Variants in UGT3A2 observed in about 807,000 individuals in gnomAD.
UGT3A2 encodes UDP-glycosyltransferase 3A2.
UGT3A2 carries 32 observed loss-of-function variants against 39.8 expected under a neutral mutation model. That is an observed-to-expected ratio of 0.80 (90% confidence interval 0.61 to 1.08). The LOEUF (loss-of-function observed/expected upper bound fraction) is 1.08. UGT3A2 is among the 50% of genes least tolerant of loss of function. The probability of loss-of-function intolerance (pLI) is 0.00; values close to 1 mark genes in which losing one functional copy is unlikely to be tolerated. For missense variants in UGT3A2, 611 were observed against 637.1 expected, an observed-to-expected ratio of 0.96 and a Z score of 0.44; for synonymous variants, 241 against 230.7, an observed-to-expected ratio of 1.04 and a Z score of -0.40.
At chr5:36,063,760 C>T (rs1465485916) in intron 2 of UGT3A2, among the ~76,000 whole-genome samples, 1 of 152,114 alleles carries the variant, frequency 6.6e-6, no homozygotes, top group African/African-American at 2.4e-5. Context: ...CTCAGCCTCC[C>T]AAGTAGCTGA....
chr5:36,045,461 C>T (rs147658150), intron 4 of UGT3A2, among the ~76,000 whole-genome samples: 10,114 of 151,678 alleles, frequency 0.067, 1,206 homozygotes, highest in African/African-American at 0.23. Flanking sequence ...AAAAATTAGG[C>T]GGGTGCCTGT....
rs557081640 is a variant in UGT3A2, at chr5:36,041,257, G to A, written c.844-1549C>T. The stretch of plus-strand genomic sequence containing the variant: ...AGATCCCTACAATTCCCAATTCCAG[G>A]ACCCAGTTCCTGGACAGAATTCCTA... On this transcript the variant is annotated intron_variant, in intron 4 of 6. Coordinates refer to ENST00000282507, the MANE Select transcript of UGT3A2 (RefSeq NM_174914.4). Among the ~76,000 whole-genome samples the A allele has an allele frequency of 4.3e-4, 65 of 152,216 alleles. 1 individual carries two copies. The South Asian group carries it at 0.013, about 31-fold the overall frequency.
At chr5:36,053,056 A>G (rs1230532415) in intron 2 of UGT3A2, among the ~76,000 whole-genome samples, 1 of 152,182 alleles carries the variant, frequency 6.6e-6, no homozygotes, top group Non-Finnish European at 1.5e-5. Context: ...GTATACTTCA[A>G]CAGCCCTACT....
At position 36,049,404 on chromosome 5, in the gene UGT3A2, A is replaced by C. The variant is rs759420610; in HGVS notation, c.328T>G (p.Leu110Val). 3 of 1,558,966 alleles carry C rather than the reference A, an allele frequency of 1.9e-6. No homozygotes were observed. Among genetic ancestry groups the C allele is most frequent in the East Asian group, 4.5e-5 (2 of 44,374 alleles). The change falls in exon 4 of 7, where the codon TTA becomes GTA. Residue 110 changes from leucine (L) to valine (V), a missense_variant. Leu to Val is a conservative substitution (Grantham distance 32). Transcript: ENST00000282507. ...GCCAAGTATTCTAGAACATTTAATAAGTTTTCAAATTTTCCTCTGTAAGAA... is the reference window on the plus strand; with the variant it reads ...GCCAAGTATTCTAGAACATTTAATACGTTTTCAAATTTTCCTCTGTAAGAA... The part of the protein sequence containing the change: ...TLGGRGKFEN[L>V]LNVLEYLALQ...
rs553443439 is a variant in UGT3A2 at position 36,041,038 on chromosome 5, T to C, written c.844-1330A>G. Among the ~76,000 whole-genome samples, 5 of 152,330 alleles carry C rather than the reference T, an allele frequency of 3.3e-5. No homozygotes were observed. The East Asian group carries it at 7.7e-4, about 24-fold the overall frequency. On this transcript the variant is annotated intron_variant, in intron 4 of 6. Transcript: ENST00000282507. ...AGCTCCTGGACAACATTGCTAGACA[T>C]GCCCTGGGTCAGAAGAGAACCTGCT...
intron 2 of UGT3A2, among the ~76,000 whole-genome samples, chr5:36,060,624 G>A (rs565087159): frequency 2.0e-5 from 3 of 152,146 alleles, no homozygotes; most frequent in South Asian, 4.1e-4. Flanking sequence ...CTTTACAACC[G>A]TTTCTTTTAA....
chr5:36,066,882 T>C lies in UGT3A2; in HGVS notation c.-93A>G, dbSNP rs1742899838. On this transcript the variant is annotated 5_prime_UTR_variant, in exon 1 of 7. Transcript: ENST00000282507. Reference sequence around the variant, plus strand: ...GTGCACCTCAGTGCGCCAAAGGCACTGGCTGTGGGTAGAGGTAGGAGTAAG... The same window carrying C: ...GTGCACCTCAGTGCGCCAAAGGCACCGGCTGTGGGTAGAGGTAGGAGTAAG... 1.8e-5 allele frequency: 26 copies of C among 1,425,038 alleles called. No homozygotes were observed. Among genetic ancestry groups the C allele is most frequent in the Non-Finnish European group, 2.6e-5 (26 of 1,010,866 alleles). 88.3% of individuals were successfully genotyped at this position (1,425,038 alleles called of 1,614,324 possible).
At position 36,035,557 on chromosome 5, in the gene UGT3A2, T is replaced by A; in HGVS notation, c.*141A>T. The stretch of plus-strand genomic sequence containing the variant: ...AAAATTAGCAAGTGGAAAGGATGAT[T>A]TTTGGCCATTTTTCCTGTTCTTCAA... On this transcript the variant is annotated 3_prime_UTR_variant, in exon 7 of 7. Coordinates refer to ENST00000282507, the MANE Select transcript of UGT3A2 (RefSeq NM_174914.4). The A allele has an allele frequency of 8.0e-7, 1 of 1,252,390 alleles. No homozygotes were observed. Among genetic ancestry groups the A allele is most frequent in the Non-Finnish European group, 1.1e-6 (1 of 918,160 alleles). The allele number at this position is 1,252,390 out of a possible 1,614,324, so 77.6% of individuals were successfully genotyped here.
intron 4 of UGT3A2, among the ~76,000 whole-genome samples, 194 bp downstream of exon 4, chr5:36,048,695 C>A (rs1742241739): frequency 6.6e-6 from 1 of 152,212 alleles, no homozygotes; most frequent in Non-Finnish European, 1.5e-5. Context: ...TGCCCTTGAT[C>A]TCAGGATGGT....
rs1742890884 is a variant in UGT3A2, at chr5:36,066,700, T to C, written c.90A>G (p.Thr30=). 1 of 1,614,070 alleles carries C rather than the reference T, an allele frequency of 6.2e-7. No homozygotes were observed. The highest frequency in any genetic ancestry group is 8.5e-7 in the Non-Finnish European group (1 of 1,180,000). ...ATTCTCCGGCCAAGCACTCACCTAC[T>C]GTAGATATTGTCAGGATTTTGGCAG... ...SEAAKILTIS[T]VGGSHYLLMD... The change falls in exon 1 of 7, where the codon ACA becomes ACG. Residue 30 remains threonine, a synonymous_variant. Transcript: ENST00000282507.
rs542099752 is a variant in UGT3A2 at position 36,036,409 on chromosome 5, C to T, written c.1296-435G>A. Among the ~76,000 whole-genome samples the T allele has an allele frequency of 2.0e-5, 3 of 152,318 alleles. No individual in the cohort carries two copies. The East Asian group carries it at 5.8e-4, about 29-fold the overall frequency. ...TGACCAGGGCTGGCTTCCTGGGCTG[C>T]AGGCTGCATATTTGTACCACATAAT... On this transcript the variant is annotated intron_variant, in intron 6 of 6. Coordinates refer to ENST00000282507, the MANE Select transcript of UGT3A2 (RefSeq NM_174914.4).
Position 36,036,050 on chromosome 5 carries a change from A to C in UGT3A2, c.1296-76T>G, listed in dbSNP as rs1206847372. ...TAGAATGTATGATCCGTTCTATATG[A>C]TGCACCAAAGACTGAGTTCCAAGGA... On this transcript the variant is annotated intron_variant, in intron 6 of 6. Coordinates refer to ENST00000282507, the MANE Select transcript of UGT3A2 (RefSeq NM_174914.4). 5 of 1,530,872 alleles carry C rather than the reference A, an allele frequency of 3.3e-6. No individual in the cohort carries two copies. The East Asian group carries it at 1.1e-4, about 35-fold the overall frequency. The allele number at this position is 1,530,872 out of a possible 1,614,324, so 94.8% of individuals were successfully genotyped here.
chr5:36,064,271 G>A lies in UGT3A2; in HGVS notation c.174C>T (p.His58=). 1 of 1,614,128 alleles carries A rather than the reference G, an allele frequency of 6.2e-7. No homozygotes were observed. Among genetic ancestry groups the A allele is most frequent in the South Asian group, 1.1e-5 (1 of 91,080 alleles). Residue 58 remains histidine (H), a synonymous_variant, in exon 2 of 7, where the codon CAC becomes CAT. Coordinates refer to ENST00000282507, the MANE Select transcript of UGT3A2 (RefSeq NM_174914.4). ...TACCTGGCATAAAAGGACCTCTTTT[G>A]TGGTTAAGCATGGTGACATTATGAC... ...DHGHNVTMLN[H]KRGPFMPDFK...
At chr5:36,045,608 A>AAAAAGAAAAGAAAAAG (rs1370493426) in intron 4 of UGT3A2, among the ~76,000 whole-genome samples, 1 of 151,144 alleles carries the variant, frequency 6.6e-6, no homozygotes, top group Non-Finnish European at 1.5e-5. Context: ...CTCAAAAAAA[A>AAAAAGAAAAGAAAAAG]AAAAGAAAAG....
chr5:36,064,220 G>C, intron 2 of UGT3A2, 29 bp downstream of exon 2: 2 of 1,597,480 alleles, frequency 1.3e-6, no homozygotes, highest in Non-Finnish European at 1.7e-6. Flanking sequence ...CTTGGAGTAG[G>C]AGAAATCAAG....
intron 5 of UGT3A2, among the ~76,000 whole-genome samples, chr5:36,039,040 T>C (rs1741919924): frequency 6.6e-6 from 1 of 152,212 alleles, no homozygotes; most frequent in African/African-American, 2.4e-5. Context: ...GTGTCCATAT[T>C]TATGTGTGGA....
intron 2 of UGT3A2, among the ~76,000 whole-genome samples, chr5:36,060,688 A>G (rs1329211373): frequency 6.6e-6 from 1 of 152,184 alleles, no homozygotes; most frequent in African/African-American, 2.4e-5. Context: ...GATGGTCTCA[A>G]GTAGTAACAG....
Position 36,049,095 on chromosome 5 carries a change from T to A in UGT3A2, c.637A>T (p.Arg213Trp). ...AATGTAGACTGCATGTGCTGTTGCC[T>A]CCTGCAGAAACTAAAGAACATCAGA... ...NFLMFFSFCR[R>W]QQHMQSTFDN... Residue 213 changes from arginine to tryptophan, a missense_variant, in exon 4 of 7, where the codon AGG (arginine) becomes TGG (tryptophan). Physicochemically the swap from Arg to Trp is moderately radical, Grantham distance 101 (BLOSUM62 -3). Coordinates refer to ENST00000282507, the MANE Select transcript of UGT3A2 (RefSeq NM_174914.4). 1.2e-6 allele frequency: 2 copies of A among 1,614,192 alleles called. No homozygotes were observed. Among genetic ancestry groups the A allele is most frequent in the Admixed American group, 1.7e-5 (1 of 60,010 alleles).
rs145712000 is a variant in UGT3A2 at position 36,049,868 on chromosome 5, C to T, written c.312-448G>A. 4.7e-3 allele frequency among the ~76,000 whole-genome samples: 711 copies of T among 152,142 alleles called. 5 individuals carry two copies. Among genetic ancestry groups the T allele is most frequent in the African/African-American group, 0.016 (680 of 41,518 alleles). On this transcript the variant is annotated intron_variant, in intron 3 of 6. Coordinates refer to ENST00000282507, the MANE Select transcript of UGT3A2 (RefSeq NM_174914.4). The stretch of plus-strand genomic sequence containing the variant: ...TTATCAATATTGATGATATGTGCTA[C>T]GTTTTAGCACTATGTGTTTGCACAT...
Sources: gnomAD v4.1 joint callset for allele counts (sites outside exome capture counted in the v4.1 genomes callset) on GRCh38, gnomAD v4.1.1 for gene constraint, MANE v1.5 for transcripts, NCBI Gene and HGNC (gene_info 2026-07-23, HGNC 2026-07-21) for gene names.